ZMYM6: variants seen among roughly 807,000 people sequenced by gnomAD.
The protein encoded by ZMYM6 is zinc finger MYM-type containing 6.
Under a neutral mutation model 134.0 loss-of-function variants are expected in ZMYM6, and 90 were observed. The observed-to-expected ratio is 0.67, with a 90% CI of 0.57 to 0.80. ZMYM6 has a LOEUF of 0.80. ZMYM6 is among the 30% of genes least tolerant of loss of function. The pLI is 0.00. For synonymous variants in ZMYM6, 481 were observed against 524.1 expected, an observed-to-expected ratio of 0.92 and a Z score of 1.12; for missense variants, 1,362 against 1,533.9, an observed-to-expected ratio of 0.89 and a Z score of 1.87.
At chr1:34,992,152 A>G in intron 15 of ZMYM6, 82 bp downstream of exon 15, 1 of 1,550,826 alleles carries the variant, frequency 6.4e-7, no homozygotes, top group East Asian at 2.3e-5. Context: ...TCTGTCAATT[A>G]TTTTCTTTTC....
In ZMYM6 at chr1:35,005,177, T is replaced by A. The variant is rs1360490895; in HGVS notation, c.1909A>T (p.Ile637Leu). 1 of 1,614,200 alleles carries A rather than the reference T, an allele frequency of 6.2e-7. No individual in the cohort carries two copies. The highest frequency in any genetic ancestry group is 1.7e-5 in the Admixed American group (1 of 60,016). The change falls in exon 13 of 16, where the codon ATA (isoleucine) becomes TTA (leucine). Residue 637 changes from isoleucine to leucine, a missense_variant. By Grantham distance (5) the Ile-to-Leu change is conservative. Transcript: ENST00000357182. Reference sequence around the variant, plus strand: ...TTCCCTGTAGATAAGGTAGCAGGTATTTTTGCCAATGACATCACACTGGTT... The same window carrying A: ...TTCCCTGTAGATAAGGTAGCAGGTAATTTTGCCAATGACATCACACTGGTT... ...VITSVMSLAK[I>L]PATLSTGNTN...
chr1:35,023,885 G>C (rs1641358001), intron 2 of ZMYM6, among the ~76,000 whole-genome samples: 1 of 152,226 alleles, frequency 6.6e-6, no homozygotes, highest in African/African-American at 2.4e-5. Context: ...GCCTCCCAAA[G>C]TGCTGGGATT....
intron 14 of ZMYM6, among the ~76,000 whole-genome samples, chr1:35,002,914 T>C (rs1275457885): frequency 6.6e-6 from 1 of 152,124 alleles, no homozygotes; most frequent in East Asian, 1.9e-4. Context: ...GGCTCATGCC[T>C]GTAATCACAA....
At chr1:35,028,152 C>A (rs1364039999) in intron 2 of ZMYM6, among the ~76,000 whole-genome samples, 1 of 151,878 alleles carries the variant, frequency 6.6e-6, no homozygotes, top group Non-Finnish European at 1.5e-5. Flanking sequence ...CAGTCTCTAA[C>A]AAAAATATAA....
intron 14 of ZMYM6, among the ~76,000 whole-genome samples, chr1:34,998,295 T>C (rs765565010): frequency 3.9e-5 from 6 of 152,154 alleles, no homozygotes; most frequent in African/African-American, 7.2e-5. Flanking sequence ...TGTTTGGACC[T>C]ATTTCTGGAT....
intron 7 of ZMYM6, 128 bp from the exon 8 acceptor site, chr1:35,012,133 A>ACC: frequency 3.0e-6 from 2 of 656,206 alleles, no homozygotes; most frequent in South Asian, 6.4e-5. Context: ...ACTTTATAAA[A>ACC]ATCTGAAATC....
chr1:34,987,094 G>A lies in ZMYM6; in HGVS notation c.*10C>T, dbSNP rs766699287. On this transcript the variant is annotated 3_prime_UTR_variant, in exon 16 of 16. Transcript: ENST00000357182. ...ATTATTGACTTCACTGTTAAGCAAT[G>A]TGCATATTGCTACTCTTTCTCCTTC... 2.7e-6 allele frequency: 4 copies of A among 1,505,514 alleles called. No homozygotes were observed. The highest frequency in any genetic ancestry group is 3.6e-6 in the Non-Finnish European group (4 of 1,120,568). 93.3% of individuals were successfully genotyped at this position (1,505,514 alleles called of 1,614,324 possible).
rs1019131659 is a variant in ZMYM6, at chr1:35,030,728, C to T, written c.-74-15G>A. On this transcript the variant is annotated splice_polypyrimidine_tract_variant and intron_variant, in intron 1 of 15. Transcript: ENST00000357182. ...TAGTTGGACACCTAAAATACATACT[C>T]AGGCTTATTCTTTTTTCTTCAGGCT... The T allele has an allele frequency of 7.1e-6, 9 of 1,263,014 alleles. No individual in the cohort carries two copies. In the African/African-American group the frequency reaches 1.4e-4, roughly 19 times the overall value. 78.2% of individuals were successfully genotyped at this position (1,263,014 alleles called of 1,614,324 possible).
chr1:35,005,065 A>G, intron 13 of ZMYM6, 67 bp downstream of exon 13: 5 of 1,575,762 alleles, frequency 3.2e-6, no homozygotes, highest in Non-Finnish European at 4.3e-6. Context: ...TCAAAAAGAG[A>G]GAACTACTTA....
chr1:34,989,243 C>G, intron 15 of ZMYM6: 2 of 1,066,922 alleles, frequency 1.9e-6, no homozygotes, highest in Non-Finnish European at 2.3e-6. Context: ...ATCAAATTAA[C>G]AATAAACTTT....
At chr1:35,005,020 T>C (rs1640941460) in intron 13 of ZMYM6, 112 bp downstream of exon 13, 1 of 1,294,656 alleles carries the variant, frequency 7.7e-7, no homozygotes, top group Non-Finnish European at 1.1e-6. Flanking sequence ...ATCACGCCAT[T>C]GCACTCCAGC....
At chr1:35,014,658 G>C in intron 6 of ZMYM6, 39 bp downstream of exon 6, 1 of 1,584,266 alleles carries the variant, frequency 6.3e-7, no homozygotes, top group Non-Finnish European at 8.6e-7. Context: ...AAATCAGAAG[G>C]AGTGGGCCTA....
chr1:35,022,792 A>C (rs1413577581), intron 2 of ZMYM6, among the ~76,000 whole-genome samples: 1 of 152,102 alleles, frequency 6.6e-6, no homozygotes, highest in Non-Finnish European at 1.5e-5. Flanking sequence ...CACACATTAG[A>C]CTAAAAAGAT....
intron 6 of ZMYM6, chr1:35,013,583 G>C (rs1641127840): frequency 1.0e-6 from 1 of 985,360 alleles, no homozygotes. Flanking sequence ...TTTCAGTGAT[G>C]AATGTCCATA....
chr1:35,013,422 A>ACT (rs1641123834), intron 6 of ZMYM6: 1 of 984,000 alleles, frequency 1.0e-6, no homozygotes, highest in Non-Finnish European at 1.2e-6. Context: ...TTCACTACAT[A>ACT]ATCTTCCTAG....
intron 14 of ZMYM6, among the ~76,000 whole-genome samples, chr1:35,000,295 A>T (rs111492078): frequency 1.0e-3 from 157 of 150,712 alleles, no homozygotes; most frequent in African/African-American, 3.8e-3. Flanking sequence ...GCTGGAGTGC[A>T]GTGGTGCAAT....
At chr1:35,029,637 A>G (rs1381372461) in intron 2 of ZMYM6, among the ~76,000 whole-genome samples, 1 of 152,148 alleles carries the variant, frequency 6.6e-6, no homozygotes, top group Admixed American at 6.5e-5. Flanking sequence ...CTGTTCCTGC[A>G]GGTCTTAAAA....
chr1:35,008,688 A>T lies in ZMYM6; in HGVS notation c.1665+64T>A, dbSNP rs1641030144. On this transcript the variant is annotated intron_variant, in intron 11 of 15. Coordinates refer to ENST00000357182, the MANE Select transcript of ZMYM6 (RefSeq NM_007167.4). ...ATTTTTCTTCACATAATTTGAATAC[A>T]TTTTAAATAAAAACAATTTGCACTG... The T allele has an allele frequency of 4.6e-6, 7 of 1,537,574 alleles. No homozygotes were observed. In the Admixed American group the frequency reaches 1.4e-4, roughly 31 times the overall value.
intron 14 of ZMYM6, among the ~76,000 whole-genome samples, chr1:35,002,778 CA>C (rs555446562): frequency 5.9e-5 from 9 of 152,136 alleles, no homozygotes; most frequent in Non-Finnish European, 7.4e-5. Context: ...ATTTGGGGCA[CA>C]TTTTTTTAGC....
Sources: gnomAD v4.1 joint callset for allele counts (sites outside exome capture counted in the v4.1 genomes callset) on GRCh38, gnomAD v4.1.1 for gene constraint, MANE v1.5 for transcripts, NCBI Gene and HGNC (gene_info 2026-07-23, HGNC 2026-07-21) for gene names.